Variants in PLCB1 observed in about 807,000 individuals in gnomAD.
PLCB1 encodes 1-phosphatidylinositol 4,5-bisphosphate phosphodiesterase beta-1.
A neutral mutation model predicts 161.8 loss-of-function variants in PLCB1; 46 were observed. That is an observed-to-expected ratio of 0.28 (90% CI 0.22 to 0.36). PLCB1 has a LOEUF of 0.36. Ranked by LOEUF, PLCB1 falls within the 10% of genes least tolerant of loss-of-function variation. PLCB1 has a pLI of 1.00. For missense variants in PLCB1, 1,016 were observed against 1,472.5 expected (o/e 0.69, Z 5.07); for synonymous variants, 517 against 503.7 (o/e 1.03, Z -0.35).
chr20:8,397,829 A>G (rs182981527), intron 3 of PLCB1, among the ~76,000 whole-genome samples: 1 of 152,048 alleles, frequency 6.6e-6, no homozygotes, highest in Non-Finnish European at 1.5e-5. Flanking sequence ...TTGCTCCACT[A>G]TATGGAGGTT....
At chr20:8,275,977 CTTTT>C (rs1982523992) in intron 2 of PLCB1, among the ~76,000 whole-genome samples, 1 of 151,090 alleles carries the variant, frequency 6.6e-6, no homozygotes, top group African/African-American at 2.4e-5. Flanking sequence ...CACTGACTTT[CTTTT>C]TATTGGGAAA....
At chr20:8,770,016 G>A (rs1003462706) in intron 26 of PLCB1, among the ~76,000 whole-genome samples, 4 of 140,436 alleles carry the variant, frequency 2.8e-5, no homozygotes, top group South Asian at 2.4e-4. Context: ...GCAGTGGTGC[G>A]ATCTCGGCTC....
chr20:8,503,700 T>C (rs1027086228), intron 3 of PLCB1, among the ~76,000 whole-genome samples: 1 of 152,128 alleles, frequency 6.6e-6, no homozygotes, highest in Non-Finnish European at 1.5e-5. Context: ...TTAAAATAAG[T>C]GGATGTTAGG....
At chr20:8,703,783 G>A (rs1170590855) in intron 11 of PLCB1, among the ~76,000 whole-genome samples, 1 of 152,142 alleles carries the variant, frequency 6.6e-6, no homozygotes, top group East Asian at 1.9e-4. Context: ...TGAAACCCAG[G>A]GAGCCAGGAA....
chr20:8,740,750 G>C lies in PLCB1; in HGVS notation c.2413+302G>C, dbSNP rs562300554. On this transcript the variant is annotated intron_variant, in intron 22 of 31. Coordinates refer to ENST00000338037, the MANE Select transcript of PLCB1 (RefSeq NM_015192.4). ...ACTCATGTTATCCATTACAACAAAT[G>C]TCTAGGTCTGTACACTGAATTTGTC... is the stretch of plus-strand genomic sequence containing the variant. 2.0e-5 allele frequency among the ~76,000 whole-genome samples: 3 copies of C among 152,302 alleles called. No individual in the cohort carries two copies. The East Asian group carries it at 5.8e-4, about 29-fold the overall frequency.
chr20:8,808,622 C>T (rs1436991241), intron 31 of PLCB1, among the ~76,000 whole-genome samples: 1 of 152,168 alleles, frequency 6.6e-6, no homozygotes, highest in African/African-American at 2.4e-5. Context: ...TACCTAGCAT[C>T]TGGTGATTTT....
At chr20:8,737,627 G>A (rs1236752061) in intron 20 of PLCB1, among the ~76,000 whole-genome samples, 1 of 152,094 alleles carries the variant, frequency 6.6e-6, no homozygotes, top group African/African-American at 2.4e-5. Context: ...ATTCAATCTT[G>A]TCTGGGTTCT....
At chr20:8,682,950 T>A (rs1478219080) in intron 9 of PLCB1, among the ~76,000 whole-genome samples, 1 of 152,140 alleles carries the variant, frequency 6.6e-6, no homozygotes, top group Non-Finnish European at 1.5e-5. Flanking sequence ...GTCAATGCAA[T>A]GTCATTTATA....
At chr20:8,175,768 A>G (rs73895560) in intron 2 of PLCB1, among the ~76,000 whole-genome samples, 1,788 of 152,274 alleles carry the variant, frequency 0.012, 38 homozygotes, top group African/African-American at 0.039. Context: ...CTGCCAAAGG[A>G]CTTGTATCTA....
chr20:8,412,422 A>G (rs920350297), intron 3 of PLCB1, among the ~76,000 whole-genome samples: 1 of 152,218 alleles, frequency 6.6e-6, no homozygotes, highest in Non-Finnish European at 1.5e-5. Context: ...TATCACATCC[A>G]CTACACAAGA....
chr20:8,648,050 G>A (rs561564167), intron 6 of PLCB1, 97 bp downstream of exon 6: 1 of 844,490 alleles, frequency 1.2e-6, no homozygotes. Flanking sequence ...AGCCTAAGTG[G>A]GAGTGTGGAA....
At chr20:8,251,708 GA>G (rs1384696137) in intron 2 of PLCB1, among the ~76,000 whole-genome samples, 1 of 151,958 alleles carries the variant, frequency 6.6e-6, no homozygotes, top group Non-Finnish European at 1.5e-5. Context: ...TAAGATAATA[GA>G]AAAGGGAATT....
intron 3 of PLCB1, among the ~76,000 whole-genome samples, chr20:8,395,819 T>TA (rs895673125): frequency 9.6e-4 from 142 of 147,920 alleles, no homozygotes; most frequent in African/African-American, 2.6e-3. Context: ...TTTCCCATTT[T>TA]AAAAAAAAAA....
At chr20:8,427,189 G>T (rs186013872) in intron 3 of PLCB1, among the ~76,000 whole-genome samples, 3 of 152,214 alleles carry the variant, frequency 2.0e-5, no homozygotes, top group Non-Finnish European at 4.4e-5. Context: ...GAGATTACAC[G>T]CATGAGCCAC....
At chr20:8,716,417 T>G in intron 13 of PLCB1, 69 bp downstream of exon 13, 1 of 1,072,074 alleles carries the variant, frequency 9.3e-7, no homozygotes, top group Non-Finnish European at 1.4e-6. Flanking sequence ...GAGGGAAAAC[T>G]TACTTCCTTT....
chr20:8,283,829 C>T (rs769748529), intron 2 of PLCB1, among the ~76,000 whole-genome samples: 2 of 151,962 alleles, frequency 1.3e-5, no homozygotes, highest in Non-Finnish European at 2.9e-5. Flanking sequence ...TTGTGAACAA[C>T]ATAGAATCTT....
At chr20:8,810,581 A>G (rs1984767485) in intron 31 of PLCB1, among the ~76,000 whole-genome samples, 1 of 152,214 alleles carries the variant, frequency 6.6e-6, no homozygotes, top group Non-Finnish European at 1.5e-5. Context: ...GTCAATTTAG[A>G]TTGCATAAGA....
intron 21 of PLCB1, 137 bp from the exon 22 acceptor site, chr20:8,740,207 G>A (rs1332381889): frequency 1.7e-6 from 1 of 584,414 alleles, no homozygotes; most frequent in Non-Finnish European, 3.0e-6. Flanking sequence ...ATTCATAAAT[G>A]TTATTAAAAT....
At chr20:8,548,817 T>C (rs1241423885) in intron 3 of PLCB1, among the ~76,000 whole-genome samples, 1 of 152,224 alleles carries the variant, frequency 6.6e-6, no homozygotes, top group Non-Finnish European at 1.5e-5. Context: ...GAGCTTTCAA[T>C]AAATATTAGT....
Sources: gnomAD v4.1 joint callset for allele counts (sites outside exome capture counted in the v4.1 genomes callset) on GRCh38, gnomAD v4.1.1 for gene constraint, MANE v1.5 for transcripts, NCBI Gene and HGNC (gene_info 2026-07-23, HGNC 2026-07-21) for gene names.